The following C2orf74 variants were observed in gnomAD, a reference collection of about 807,000 sequenced individuals.
C2orf74 encodes uncharacterized protein C2orf74.
Under a neutral mutation model 17.9 loss-of-function variants are expected in C2orf74, and 14 were observed. The ratio of observed to expected loss-of-function variants is 0.78; its 90% CI spans 0.52 to 1.22. C2orf74 has a LOEUF of 1.22. Ranked by LOEUF, C2orf74 falls within the 50% of genes most tolerant of loss-of-function variation. C2orf74 has a pLI of 0.00. For missense variants in C2orf74, 217 were observed against 218.4 expected, an observed-to-expected ratio of 0.99 and a Z score of 0.04; for synonymous variants, 79 against 72.6, an observed-to-expected ratio of 1.09 and a Z score of -0.44.
At chr2:61,149,724 A>G (rs1476752981) in intron 1 of C2orf74, among the ~76,000 whole-genome samples, 2 of 151,830 alleles carry the variant, frequency 1.3e-5, no homozygotes, top group Non-Finnish European at 2.9e-5. Flanking sequence ...GATTACAGGC[A>G]TGCACCACCA....
intron 4 of C2orf74, among the ~76,000 whole-genome samples, 184 bp downstream of exon 4, chr2:61,163,416 C>T (rs1332170786): frequency 2.6e-5 from 4 of 151,864 alleles, no homozygotes; most frequent in Admixed American, 2.6e-4. Context: ...CCAGCCTGGC[C>T]AACATGGTGA....
At chr2:61,158,352 A>G (rs1187964697), upstream of C2orf74, among the ~76,000 whole-genome samples, 2 of 152,220 alleles carry the variant, frequency 1.3e-5, no homozygotes, top group Non-Finnish European at 2.9e-5. Flanking sequence ...GTGAGAAATT[A>G]CAAAGACTAT....
At position 61,162,505 on chromosome 2, in the gene C2orf74, A is replaced by G. The variant is rs761348336; in HGVS notation, c.-10A>G. The G allele has an allele frequency of 1.3e-5, 20 of 1,549,614 alleles. No individual in the cohort carries two copies. In the African/African-American group the frequency reaches 2.3e-4, roughly 18 times the overall value. ...GATTGTGAGAGTGGATGAGTCTTCT[A>G]GCTAAACCTATGAGCTTTGAAACCA... On this transcript the variant is annotated 5_prime_UTR_variant, in exon 2 of 5. Coordinates refer to ENST00000432605, the MANE Select transcript of C2orf74 (RefSeq NM_001143959.4).
rs1460429062 is a variant in C2orf74, at chr2:61,145,780, C to G, written c.-122+584C>G. ...GCACGATCACAGCTCACTACAGCCTCCACTTCCCAAGCCCAAGCAATCCTC... is the reference window on the plus strand; with the variant it reads ...GCACGATCACAGCTCACTACAGCCTGCACTTCCCAAGCCCAAGCAATCCTC... On this transcript the variant is annotated intron_variant, in intron 1 of 3. Transcript: ENST00000426997. Among the ~76,000 whole-genome samples the G allele has an allele frequency of 2.0e-5, 3 of 152,158 alleles. No homozygotes were observed. The East Asian group carries it at 5.8e-4, about 29-fold the overall frequency.
upstream of C2orf74, among the ~76,000 whole-genome samples, chr2:61,159,992 T>G (rs1685513600): frequency 6.6e-6 from 1 of 152,210 alleles, no homozygotes; most frequent in Non-Finnish European, 1.5e-5. Context: ...TCTTCCTCCC[T>G]GCAGTACCTG....
At chr2:61,149,826 G>A (rs1325344541) in intron 1 of C2orf74, among the ~76,000 whole-genome samples, 2 of 152,028 alleles carry the variant, frequency 1.3e-5, no homozygotes, top group African/African-American at 4.8e-5. Context: ...CGATCCGCCT[G>A]CCTTGGCCTC....
chr2:61,153,070 T>G (rs1401876833), intron 1 of C2orf74, among the ~76,000 whole-genome samples: 1 of 149,222 alleles, frequency 6.7e-6, no homozygotes, highest in Admixed American at 6.7e-5. Flanking sequence ...GAGAATTGCT[T>G]GAACCTGGGA....
At chr2:61,154,654 T>A (rs1318610113) in intron 1 of C2orf74, among the ~76,000 whole-genome samples, 1 of 152,196 alleles carries the variant, frequency 6.6e-6, no homozygotes, top group Admixed American at 6.5e-5. Context: ...TTGTTTTAAG[T>A]CTGCTTTTGC....
At chr2:61,156,664 G>A (rs574538594) in intron 1 of C2orf74, among the ~76,000 whole-genome samples, 108 of 152,038 alleles carry the variant, frequency 7.1e-4, no homozygotes, top group Non-Finnish European at 1.3e-3. Flanking sequence ...CGGGCAGATC[G>A]CTTGAGCTCA....
upstream of C2orf74, among the ~76,000 whole-genome samples, chr2:61,159,938 T>C (rs1317470198): frequency 2.0e-5 from 3 of 152,224 alleles, no homozygotes; most frequent in Non-Finnish European, 2.9e-5. Flanking sequence ...TTTTTCATAA[T>C]TCTAAATTGA....
chr2:61,154,853 G>A (rs899414597), intron 1 of C2orf74, among the ~76,000 whole-genome samples: 8 of 151,692 alleles, frequency 5.3e-5, no homozygotes, highest in African/African-American at 1.2e-4. Context: ...TCAGGAGTTC[G>A]AGACCAGTCT....
At chr2:61,154,981 C>T (rs896311874) in intron 1 of C2orf74, among the ~76,000 whole-genome samples, 10 of 152,048 alleles carry the variant, frequency 6.6e-5, no homozygotes, top group African/African-American at 2.4e-4. Flanking sequence ...AGGAGAATTG[C>T]TTGAACCTGG....
intron 1 of C2orf74, among the ~76,000 whole-genome samples, chr2:61,145,678 C>G (rs1210066952): frequency 6.6e-6 from 1 of 152,196 alleles, no homozygotes; most frequent in Non-Finnish European, 1.5e-5. Flanking sequence ...CTGCCTCAGA[C>G]TCCCAAAGTG....
upstream of C2orf74, among the ~76,000 whole-genome samples, chr2:61,161,511 C>G (rs951334818): frequency 6.6e-6 from 1 of 152,124 alleles, no homozygotes; most frequent in African/African-American, 2.4e-5. Context: ...AACCTTCATT[C>G]TGTTAATGTG....
intron 4 of C2orf74, 132 bp downstream of exon 4, chr2:61,163,364 T>TAC: frequency 3.1e-6 from 3 of 969,288 alleles, no homozygotes; most frequent in Non-Finnish European, 4.5e-6. Context: ...ATCCCAGCAT[T>TAC]TTGGGAGGCC....
intron 1 of C2orf74, among the ~76,000 whole-genome samples, chr2:61,154,234 CAAAAAAA>C (rs34669899): frequency 2.3e-5 from 3 of 131,806 alleles, no homozygotes; most frequent in African/African-American, 5.5e-5. Flanking sequence ...AATTCTGTCT[CAAAAAAA>C]AAAAAAAAAA....
upstream of C2orf74, among the ~76,000 whole-genome samples, chr2:61,161,166 A>T (rs562507842): frequency 6.6e-4 from 101 of 152,288 alleles, no homozygotes; most frequent in African/African-American, 2.3e-3. Context: ...AGTGTTGTTG[A>T]ACATTTTTTT....
At chr2:61,156,445 G>C (rs886601604) in intron 1 of C2orf74, among the ~76,000 whole-genome samples, 1 of 152,056 alleles carries the variant, frequency 6.6e-6, no homozygotes, top group Admixed American at 6.6e-5. Flanking sequence ...AAATGGATGA[G>C]ATTTAGAATA....
intron 1 of C2orf74, among the ~76,000 whole-genome samples, chr2:61,149,516 A>AATAGGGAC (rs1685162131): frequency 6.6e-6 from 1 of 151,566 alleles, no homozygotes; most frequent in Non-Finnish European, 1.5e-5. Flanking sequence ...TGCAACTGAA[A>AATAGGGAC]ATAGGGACGC....
Sources: allele counts gnomAD v4.1 joint callset (sites outside exome capture counted in the v4.1 genomes callset), GRCh38; gene constraint gnomAD v4.1.1; transcripts MANE v1.5; gene names NCBI Gene and HGNC (gene_info 2026-07-23, HGNC 2026-07-21).